The following AGBL4 variants were observed in gnomAD, a reference collection of about 807,000 sequenced individuals.
AGBL4 encodes the protein cytosolic carboxypeptidase 6.
AGBL4 carries 58 observed loss-of-function variants against 66.4 expected under a neutral mutation model. The ratio of observed to expected loss-of-function variants is 0.87; its 90% CI spans 0.71 to 1.09. The LOEUF (loss-of-function observed/expected upper bound fraction) is 1.09, where lower values mean the gene tolerates loss of function less well. AGBL4 is among the 50% of genes least tolerant of loss of function. The pLI is 0.00. For missense variants in AGBL4, 579 were observed against 631.0 expected, an observed-to-expected ratio of 0.92 and a Z score of 0.88; for synonymous variants, 234 against 222.9, an observed-to-expected ratio of 1.05 and a Z score of -0.44.
chr1:49,189,208 A>C (rs1647070309), intron 4 of AGBL4, among the ~76,000 whole-genome samples: 1 of 152,214 alleles, frequency 6.6e-6, no homozygotes, highest in Admixed American at 6.5e-5. Context: ...CTGGACCATC[A>C]GAGAGAATCC....
At chr1:49,431,757 GC>G (rs1645791823) in intron 3 of AGBL4, among the ~76,000 whole-genome samples, 3 of 151,888 alleles carry the variant, frequency 2.0e-5, no homozygotes, top group Non-Finnish European at 4.4e-5. Flanking sequence ...CTTTACATCT[GC>G]TATTAAACTT....
At chr1:48,994,244 T>G (rs915640028) in intron 5 of AGBL4, among the ~76,000 whole-genome samples, 7 of 152,192 alleles carry the variant, frequency 4.6e-5, no homozygotes, top group African/African-American at 1.7e-4. Flanking sequence ...ACTCCCTAAT[T>G]GACATTTCTT....
intron 3 of AGBL4, among the ~76,000 whole-genome samples, chr1:49,564,382 C>T (rs1003081584): frequency 6.6e-6 from 1 of 152,096 alleles, no homozygotes; most frequent in African/African-American, 2.4e-5. Context: ...TTCTCTAGTT[C>T]TTTTAATTGT....
At chr1:49,888,099 A>C (rs1648257067) in intron 1 of AGBL4, among the ~76,000 whole-genome samples, 2 of 152,174 alleles carry the variant, frequency 1.3e-5, no homozygotes, top group African/African-American at 4.8e-5. Context: ...CTACCTTCAT[A>C]AACAAAAATG....
intron 1 of AGBL4, among the ~76,000 whole-genome samples, chr1:49,923,387 C>T (rs1048871255): frequency 1.6e-4 from 24 of 151,912 alleles, no homozygotes; most frequent in African/African-American, 5.1e-4. Context: ...TAGGAAATAC[C>T]ATTTTAAACA....
At chr1:49,628,105 C>T (rs1645499235) in intron 3 of AGBL4, among the ~76,000 whole-genome samples, 1 of 152,110 alleles carries the variant, frequency 6.6e-6, no homozygotes, top group South Asian at 2.1e-4. Context: ...TATCAGGGTC[C>T]AGTGACATGC....
At chr1:48,585,129 G>A (rs181025659) in intron 11 of AGBL4, 1 of 152,318 alleles carries the variant, frequency 6.6e-6, no homozygotes, top group Admixed American at 6.5e-5. Context: ...CTGTTGAGGG[G>A]TGGAAACCTT....
intron 11 of AGBL4, among the ~76,000 whole-genome samples, chr1:48,552,726 A>G (rs1644267096): frequency 6.6e-6 from 1 of 152,152 alleles, no homozygotes; most frequent in South Asian, 2.1e-4. Context: ...GTGGTTGTAC[A>G]GTATCTGGTG....
At chr1:49,405,095 C>T (rs1645168507) in intron 3 of AGBL4, among the ~76,000 whole-genome samples, 1 of 152,174 alleles carries the variant, frequency 6.6e-6, no homozygotes, top group African/African-American at 2.4e-5. Flanking sequence ...CTCTCAATGT[C>T]TACTTCAAAT....
At chr1:48,962,096 C>CCATCCATCCATCCAT in intron 5 of AGBL4, among the ~76,000 whole-genome samples, 1 of 151,150 alleles carries the variant, frequency 6.6e-6, no homozygotes, top group East Asian at 2.0e-4. Context: ...CTTAAAAGAT[C>CCATCCATCCATCCAT]CCATCCATCC....
chr1:49,052,987 T>C (rs1644247058), intron 4 of AGBL4, among the ~76,000 whole-genome samples: 1 of 152,146 alleles, frequency 6.6e-6, no homozygotes, highest in Non-Finnish European at 1.5e-5. Flanking sequence ...GGTTTCCCAA[T>C]CTATAAAATG....
intron 3 of AGBL4, among the ~76,000 whole-genome samples, chr1:49,535,230 T>C (rs1381326589): frequency 6.6e-6 from 1 of 151,814 alleles, no homozygotes; most frequent in Admixed American, 6.6e-5. Flanking sequence ...TGGGAAAGGA[T>C]ATATTAGTCA....
At chr1:49,647,854 C>CA (rs773155990) in intron 3 of AGBL4, among the ~76,000 whole-genome samples, 7,438 of 98,746 alleles carry the variant, frequency 0.075, 175 homozygotes, top group Middle Eastern at 0.1. Flanking sequence ...TGGACTGACC[C>CA]AAAAAAAAAA....
downstream of AGBL4, among the ~76,000 whole-genome samples, chr1:48,530,766 A>G (rs1643900240): frequency 2.0e-5 from 3 of 152,104 alleles, no homozygotes; most frequent in African/African-American, 7.2e-5. Context: ...CCAGGTTGAG[A>G]CCTGTCATGA....
intron 3 of AGBL4, among the ~76,000 whole-genome samples, chr1:49,304,333 A>G (rs1048044820): frequency 1.3e-5 from 2 of 152,128 alleles, no homozygotes; most frequent in African/African-American, 4.8e-5. Context: ...TCTATGACAC[A>G]TGCACTTTTT....
intron 3 of AGBL4, among the ~76,000 whole-genome samples, chr1:49,536,882 C>T (rs1651629752): frequency 6.6e-6 from 1 of 152,024 alleles, no homozygotes; most frequent in African/African-American, 2.4e-5. Flanking sequence ...GTGGTGGGCG[C>T]CTGTAATGCC....
At chr1:49,525,157 G>C (rs1002519207) in intron 3 of AGBL4, among the ~76,000 whole-genome samples, 1 of 152,002 alleles carries the variant, frequency 6.6e-6, no homozygotes, top group Non-Finnish European at 1.5e-5. Flanking sequence ...TGGGGATATG[G>C]TGGTGAACAA....
intron 9 of AGBL4, among the ~76,000 whole-genome samples, chr1:48,631,938 A>T (rs971906529): frequency 1.3e-5 from 2 of 152,236 alleles, no homozygotes; most frequent in African/African-American, 4.8e-5. Flanking sequence ...AACCCCTGAC[A>T]TATCTTATAA....
In AGBL4 at chr1:48,659,876, C is replaced by T. The variant is rs563061324; in HGVS notation, c.724+3276G>A. ...TCTATTCCAGACCATCCTAAATGCT[C>T]GATGGATATGAACTGTGTCAGTCTT... On this transcript the variant is annotated intron_variant, in intron 7 of 13. Coordinates refer to ENST00000371839, the MANE Select transcript of AGBL4 (RefSeq NM_032785.4). 1.7e-4 allele frequency among the ~76,000 whole-genome samples: 26 copies of T among 152,336 alleles called. No homozygotes were observed. The South Asian group carries it at 4.8e-3, about 28-fold the overall frequency.
Sources: gnomAD v4.1 joint callset for allele counts (sites outside exome capture counted in the v4.1 genomes callset) on GRCh38, gnomAD v4.1.1 for gene constraint, MANE v1.5 for transcripts, NCBI Gene and HGNC (gene_info 2026-07-23, HGNC 2026-07-21) for gene names.